Variants in STXBP6 observed in about 807,000 individuals in gnomAD.
STXBP6 encodes the protein syntaxin-binding protein 6.
In STXBP6, 21 loss-of-function variants were observed where a neutral mutation model predicts 26.9. The observed-to-expected ratio is 0.78, with a 90% CI of 0.55 to 1.12. The LOEUF is 1.12. Ranked by LOEUF, STXBP6 falls within the 50% of genes most tolerant of loss-of-function variation. The pLI is 0.00. For missense variants in STXBP6, 232 were observed against 257.9 expected (o/e 0.90, Z 0.69); for synonymous variants, 97 against 92.6 (o/e 1.05, Z -0.27).
intron 1 of STXBP6, among the ~76,000 whole-genome samples, chr14:25,015,546 C>T (rs1239581264): frequency 6.6e-6 from 1 of 151,938 alleles, no homozygotes; most frequent in African/African-American, 2.4e-5. Context: ...AAAAAAAAAT[C>T]CTTTTGATAA....
chr14:25,031,589 A>C (rs1213832668), intron 1 of STXBP6, among the ~76,000 whole-genome samples: 2 of 152,248 alleles, frequency 1.3e-5, no homozygotes, highest in African/African-American at 4.8e-5. Context: ...AAGATACAGG[A>C]TAATAAATTG....
At chr14:24,980,886 C>CA (rs533287128) in intron 1 of STXBP6, among the ~76,000 whole-genome samples, 40 of 152,222 alleles carry the variant, frequency 2.6e-4, no homozygotes, top group African/African-American at 8.4e-4. Context: ...GTAGAAACTC[C>CA]AAACAAAAAC....
chr14:24,924,347 C>T (rs1202830477), intron 2 of STXBP6, among the ~76,000 whole-genome samples: 5 of 152,182 alleles, frequency 3.3e-5, no homozygotes, highest in East Asian at 1.9e-4. Flanking sequence ...TAAAAAAAGA[C>T]CAAAACTGAA....
intron 1 of STXBP6, among the ~76,000 whole-genome samples, chr14:24,982,338 A>G (rs2074217506): frequency 6.6e-6 from 1 of 152,238 alleles, no homozygotes; most frequent in African/African-American, 2.4e-5. Flanking sequence ...GAATAATGAC[A>G]AGGCTTAGAA....
intron 1 of STXBP6, among the ~76,000 whole-genome samples, chr14:24,991,912 G>A (rs1236716282): frequency 6.6e-6 from 1 of 152,110 alleles, no homozygotes; most frequent in Non-Finnish European, 1.5e-5. Flanking sequence ...GTGGCAATAT[G>A]GAACCCAGAC....
intron 1 of STXBP6, among the ~76,000 whole-genome samples, chr14:24,991,081 G>A (rs142361718): frequency 6.6e-6 from 1 of 151,348 alleles, no homozygotes; most frequent in Non-Finnish European, 1.5e-5. Flanking sequence ...CAGCAGAGGA[G>A]AGAAGAGGAA....
chr14:25,013,042 C>T (rs756403171), intron 1 of STXBP6, among the ~76,000 whole-genome samples: 6 of 152,208 alleles, frequency 3.9e-5, no homozygotes, highest in Non-Finnish European at 8.8e-5. Flanking sequence ...CAGTGAGCTA[C>T]GATAGTTGCA....
At chr14:25,023,341 A>G (rs1265030543) in intron 1 of STXBP6, among the ~76,000 whole-genome samples, 3 of 151,756 alleles carry the variant, frequency 2.0e-5, no homozygotes, top group African/African-American at 7.3e-5. Context: ...AGTCAACTGT[A>G]TGACTATTGA....
chr14:24,868,209 C>A (rs1167601124), intron 2 of STXBP6, among the ~76,000 whole-genome samples: 2 of 152,040 alleles, frequency 1.3e-5, no homozygotes, highest in Non-Finnish European at 2.9e-5. Context: ...AAAACACAAA[C>A]AACAACAAAA....
At chr14:24,921,140 T>C (rs186074566) in intron 2 of STXBP6, among the ~76,000 whole-genome samples, 42 of 152,306 alleles carry the variant, frequency 2.8e-4, no homozygotes, top group Non-Finnish European at 4.0e-4. Context: ...CTCTGTAAAA[T>C]GGGAATAGTA....
At chr14:24,961,072 A>C (rs761403950) in intron 2 of STXBP6, among the ~76,000 whole-genome samples, 1 of 152,246 alleles carries the variant, frequency 6.6e-6, no homozygotes, top group Non-Finnish European at 1.5e-5. Flanking sequence ...TGTGGACATA[A>C]AAATCTAAAG....
chr14:24,916,580 G>A (rs181228055), intron 2 of STXBP6, among the ~76,000 whole-genome samples: 6 of 152,104 alleles, frequency 3.9e-5, no homozygotes, highest in Non-Finnish European at 1.5e-5. Flanking sequence ...GCTTTGCAGG[G>A]TGTGTGGGGA....
intron 1 of STXBP6, among the ~76,000 whole-genome samples, chr14:25,025,572 T>C (rs1485502854): frequency 2.6e-5 from 4 of 152,210 alleles, no homozygotes; most frequent in South Asian, 2.1e-4. Flanking sequence ...AGAGACCTGA[T>C]GCAGCCAGTG....
At chr14:25,012,402 G>T (rs1158362532) in intron 1 of STXBP6, among the ~76,000 whole-genome samples, 3 of 152,110 alleles carry the variant, frequency 2.0e-5, no homozygotes, top group Admixed American at 2.0e-4. Flanking sequence ...GCCGAGGTGG[G>T]GGTACTCGAG....
At chr14:25,004,464 G>A (rs1022702225) in intron 1 of STXBP6, among the ~76,000 whole-genome samples, 1 of 152,224 alleles carries the variant, frequency 6.6e-6, no homozygotes, top group Non-Finnish European at 1.5e-5. Context: ...GCATGGGTGT[G>A]TACTGGACCT....
intron 1 of STXBP6, among the ~76,000 whole-genome samples, chr14:25,042,061 A>C (rs376532455): frequency 6.6e-6 from 1 of 152,224 alleles, no homozygotes; most frequent in Non-Finnish European, 1.5e-5. Flanking sequence ...AACTATTTGT[A>C]CGTATTGTTT....
At chr14:24,903,665 T>C (rs1237452109) in intron 2 of STXBP6, among the ~76,000 whole-genome samples, 1 of 152,152 alleles carries the variant, frequency 6.6e-6, no homozygotes, top group African/African-American at 2.4e-5. Context: ...ATCTACAAAA[T>C]AATGCTATAT....
At chr14:24,846,082 G>A (rs572639250) in intron 4 of STXBP6, among the ~76,000 whole-genome samples, 1 of 152,276 alleles carries the variant, frequency 6.6e-6, no homozygotes, top group South Asian at 2.1e-4. Flanking sequence ...GAGAGCCTTT[G>A]TTTTGCTGGG....
At chr14:24,875,641 G>A (rs2070110914) in intron 2 of STXBP6, among the ~76,000 whole-genome samples, 1 of 152,170 alleles carries the variant, frequency 6.6e-6, no homozygotes, top group Non-Finnish European at 1.5e-5. Flanking sequence ...AATCATAGCC[G>A]AATATGAGAC....
Sources: gnomAD v4.1 joint callset for allele counts (sites outside exome capture counted in the v4.1 genomes callset) on GRCh38, gnomAD v4.1.1 for gene constraint, MANE v1.5 for transcripts, NCBI Gene and HGNC (gene_info 2026-07-23, HGNC 2026-07-21) for gene names.